PRKCH: variants seen among roughly 807,000 people sequenced by gnomAD.
PRKCH encodes the protein protein kinase C eta.
In PRKCH, 28 loss-of-function variants were observed where a neutral mutation model predicts 82.5. The ratio of observed to expected loss-of-function variants is 0.34; its 90% CI spans 0.25 to 0.47. PRKCH has a LOEUF of 0.47. Ranked by LOEUF, PRKCH falls within the 20% of genes least tolerant of loss-of-function variation. The pLI, the probability that PRKCH is intolerant of heterozygous loss-of-function variation, is 1.00. For synonymous variants in PRKCH, 322 were observed against 327.4 expected (o/e 0.98, Z 0.18); for missense variants, 705 against 881.8 (o/e 0.80, Z 2.54).
chr14:61,429,262 AT>A (rs1362866714), intron 2 of PRKCH, among the ~76,000 whole-genome samples: 1 of 150,070 alleles, frequency 6.7e-6, no homozygotes, highest in Non-Finnish European at 1.5e-5. Flanking sequence ...TTTTTATACC[AT>A]TTTCATCAGG....
At chr14:61,227,503 A>G (rs1180446066) in intron 1 of PRKCH, among the ~76,000 whole-genome samples, 1 of 152,196 alleles carries the variant, frequency 6.6e-6, no homozygotes, top group Non-Finnish European at 1.5e-5. Flanking sequence ...CTGAGGCAGG[A>G]GAATGGCCTG....
chr14:61,283,459 GT>G (rs1434634659), intron 1 of PRKCH, among the ~76,000 whole-genome samples: 1 of 152,196 alleles, frequency 6.6e-6, no homozygotes, highest in Non-Finnish European at 1.5e-5. Context: ...GGTGGTTTGT[GT>G]GGCAGGAATG....
intron 6 of PRKCH, among the ~76,000 whole-genome samples, chr14:61,451,517 CAG>C (rs1313228405): frequency 2.6e-5 from 4 of 152,224 alleles, no homozygotes; most frequent in South Asian, 2.1e-4. Context: ...AGATTGGAGA[CAG>C]GGGTAGAATG....
intron 1 of PRKCH, among the ~76,000 whole-genome samples, chr14:61,209,921 A>G (rs937121471): frequency 3.3e-5 from 5 of 151,372 alleles, no homozygotes; most frequent in African/African-American, 1.2e-4. Flanking sequence ...TGATTTTCTG[A>G]GTTAGTTCAC....
chr14:61,512,156 C>T (rs1298076589), intron 10 of PRKCH, among the ~76,000 whole-genome samples: 1 of 151,400 alleles, frequency 6.6e-6, no homozygotes, highest in Non-Finnish European at 1.5e-5. Context: ...TGAGCATAGG[C>T]TGTCTGGCTC....
chr14:61,370,314 G>A (rs1472854514), intron 1 of PRKCH, among the ~76,000 whole-genome samples: 1 of 152,098 alleles, frequency 6.6e-6, no homozygotes, highest in Non-Finnish European at 1.5e-5. Context: ...TGGAGAAAAA[G>A]CGAAGGGATG....
intron 1 of PRKCH, among the ~76,000 whole-genome samples, chr14:61,309,742 A>G (rs1169792148): frequency 6.6e-6 from 1 of 152,202 alleles, no homozygotes; most frequent in Non-Finnish European, 1.5e-5. Context: ...TTACCTTGCT[A>G]TTACCTACTG....
At chr14:61,451,882 A>C (rs530194932) in intron 6 of PRKCH, among the ~76,000 whole-genome samples, 1 of 152,336 alleles carries the variant, frequency 6.6e-6, no homozygotes, top group Non-Finnish European at 1.5e-5. Context: ...GTCTTTAAGA[A>C]GGGCACATTC....
intron 10 of PRKCH, among the ~76,000 whole-genome samples, chr14:61,510,720 G>A (rs933652914): frequency 1.3e-5 from 2 of 152,068 alleles, no homozygotes; most frequent in Non-Finnish European, 2.9e-5. Flanking sequence ...GGACTCAACT[G>A]CAAGGTAAAG....
intron 1 of PRKCH, among the ~76,000 whole-genome samples, chr14:61,216,563 G>A (rs2044617942): frequency 6.6e-6 from 1 of 152,184 alleles, no homozygotes; most frequent in South Asian, 2.1e-4. Context: ...GGACAGAGAT[G>A]TTTGCAGAAC....
chr14:61,540,966 C>T (rs1367803769), intron 12 of PRKCH, among the ~76,000 whole-genome samples: 2 of 152,258 alleles, frequency 1.3e-5, no homozygotes, highest in Non-Finnish European at 2.9e-5. Flanking sequence ...GTCCTTTCCA[C>T]CCTACCAAGC....
intron 1 of PRKCH, among the ~76,000 whole-genome samples, chr14:61,260,424 G>A (rs747991835): frequency 1.4e-4 from 22 of 152,136 alleles, no homozygotes; most frequent in Non-Finnish European, 2.4e-4. Flanking sequence ...CAATTCTTCC[G>A]TCTATTAAAC....
chr14:61,192,539 G>A (rs1245555371), intron 1 of PRKCH, among the ~76,000 whole-genome samples: 3 of 152,268 alleles, frequency 2.0e-5, no homozygotes, highest in South Asian at 2.1e-4. Flanking sequence ...CACCAAAGTC[G>A]GTTATCAGGT....
intron 2 of PRKCH, among the ~76,000 whole-genome samples, chr14:61,393,231 G>A (rs754894394): frequency 2.0e-5 from 3 of 152,044 alleles, no homozygotes; most frequent in Non-Finnish European, 2.9e-5. Flanking sequence ...TATGTTTAAG[G>A]TTATTTTAGC....
Position 61,457,581 on chromosome 14 carries a change from G to C in PRKCH, c.1180G>C (p.Asp394His). ...KVLKKDVILQ[D>H]DDVECTMTEK... ...GCTGAAGAAGGACGTGATTCTGCAGGATGATGATGTGGAATGCACCATGAC... is the reference window on the plus strand; with the variant it reads ...GCTGAAGAAGGACGTGATTCTGCAGCATGATGATGTGGAATGCACCATGAC... Residue 394 changes from aspartate to histidine, a missense_variant, in exon 9 of 14, where the codon GAT becomes CAT. Physicochemically the swap from Asp to His is moderately conservative, Grantham distance 81. Coordinates refer to ENST00000332981, the MANE Select transcript of PRKCH (RefSeq NM_006255.5). The C allele has an allele frequency of 6.2e-7, 1 of 1,614,116 alleles. No homozygotes were observed. The highest frequency in any genetic ancestry group is 8.5e-7 in the Non-Finnish European group (1 of 1,180,024).
chr14:61,216,211 A>G (rs2044615410), intron 1 of PRKCH, among the ~76,000 whole-genome samples: 1 of 152,164 alleles, frequency 6.6e-6, no homozygotes, highest in African/African-American at 2.4e-5. Flanking sequence ...ATGCCTGTAA[A>G]TCCCAGCACT....
chr14:61,307,643 C>T (rs557466309), intron 1 of PRKCH, among the ~76,000 whole-genome samples: 9 of 152,262 alleles, frequency 5.9e-5, no homozygotes, highest in Admixed American at 5.9e-4. Flanking sequence ...TTCAAATGGA[C>T]CCATTTTTCC....
chr14:61,425,385 A>G (rs1198521224), intron 2 of PRKCH, among the ~76,000 whole-genome samples: 1 of 152,240 alleles, frequency 6.6e-6, no homozygotes, highest in Non-Finnish European at 1.5e-5. Flanking sequence ...CCTTGTATCC[A>G]CATGACCTAG....
intron 9 of PRKCH, among the ~76,000 whole-genome samples, chr14:61,480,446 C>T (rs768873781): frequency 4.6e-5 from 7 of 152,178 alleles, no homozygotes; most frequent in Admixed American, 3.9e-4. Flanking sequence ...TATCTTTTGC[C>T]TCCTTTTAGA....
Sources: gnomAD v4.1 joint callset for allele counts (sites outside exome capture counted in the v4.1 genomes callset) on GRCh38, gnomAD v4.1.1 for gene constraint, MANE v1.5 for transcripts, NCBI Gene and HGNC (gene_info 2026-07-23, HGNC 2026-07-21) for gene names.